Variants in DNAH1 observed in about 807,000 individuals in gnomAD.
DNAH1 encodes the protein axonemal beta dynein heavy chain 1.
A neutral mutation model predicts 484.3 loss-of-function variants in DNAH1; 327 were observed. That is an observed-to-expected ratio of 0.68 (90% CI 0.62 to 0.74). The LOEUF (loss-of-function observed/expected upper bound fraction) is 0.74, where lower values mean the gene tolerates loss of function less well. Among genes scored for constraint, DNAH1 ranks in the 30% least tolerant of loss-of-function variants. The probability of loss-of-function intolerance (pLI) is 0.00; values close to 1 mark genes in which losing one functional copy is unlikely to be tolerated. For synonymous variants in DNAH1, 2,192 were observed against 2,191.9 expected (o/e 1.00, Z 0.00); for missense variants, 5,052 against 5,546.8 (o/e 0.91, Z 2.83).
chr3:52,397,894 T>C lies in DNAH1; in HGVS notation c.11958+17T>C. ...CGGGAGGAGGTGGGTGGTGTCAGAG[T>C]AAGGGGCCCAAGGGCTGGACGGGCT... On this transcript the variant is annotated intron_variant, in intron 74 of 77. Transcript: ENST00000420323. 6.3e-7 allele frequency: 1 copy of C among 1,590,054 alleles called. No individual in the cohort carries two copies. The highest frequency in any genetic ancestry group is 8.6e-7 in the Non-Finnish European group (1 of 1,167,010).
At chr3:52,394,332 TTGAC>T in intron 66 of DNAH1, 129 bp from the exon 67 acceptor site, 3 of 849,386 alleles carry the variant, frequency 3.5e-6, no homozygotes, top group South Asian at 1.8e-5. Context: ...CCAGACCTGT[TTGAC>T]TACCATCCCC....
chr3:52,361,050 C>A lies in DNAH1; in HGVS notation c.4686-114C>A, dbSNP rs1198801943. On this transcript the variant is annotated intron_variant, in intron 28 of 77. Transcript: ENST00000420323. The surrounding 1 kb of genome is among the most constrained non-coding windows in gnomAD (Gnocchi z 5.6). ...ACCCCGGAGCCAGGGCTGGGCACAC[C>A]CCAGCCCACCAAAAGGGGACGGGGC... is the stretch of plus-strand genomic sequence containing the variant. 2 of 1,096,698 alleles carry A rather than the reference C, an allele frequency of 1.8e-6. No individual in the cohort carries two copies. Among genetic ancestry groups the A allele is most frequent in the Non-Finnish European group, 2.4e-6 (2 of 825,562 alleles). 67.9% of individuals were successfully genotyped at this position (1,096,698 alleles called of 1,614,324 possible). A position where few individuals can be genotyped will look rare whatever the true frequency, so the allele number is the denominator to read the frequency against.
chr3:52,321,177 C>T (rs1701134561), intron 1 of DNAH1, among the ~76,000 whole-genome samples: 2 of 150,628 alleles, frequency 1.3e-5, no homozygotes, highest in Admixed American at 6.6e-5. Flanking sequence ...GGTGCAATGG[C>T]GCGATCTGAG....
At chr3:52,328,316 G>A in intron 6 of DNAH1, among the ~76,000 whole-genome samples, 1 of 152,046 alleles carries the variant, frequency 6.6e-6, no homozygotes, top group South Asian at 2.1e-4. Context: ...ATGCACGAGG[G>A]GCACAATTCC....
rs1324432816 is a variant in DNAH1, at chr3:52,353,856, CAA to C, written c.3480+224_3480+225del. On this transcript the variant is annotated intron_variant, in intron 20 of 77. Transcript: ENST00000420323. This position sits in a 1 kb window ranked among gnomAD's most constrained non-coding sequence, Gnocchi z 5.0. ...GCTATTATTTTTCAGTTACTCCTCTCAAGAGCCCCAGGAAGGAGCTAATAGCA... is the reference window on the plus strand; with the variant it reads ...GCTATTATTTTTCAGTTACTCCTCTCGAGCCCCAGGAAGGAGCTAATAGCA... The C allele has an allele frequency of 4.8e-6, 3 of 626,316 alleles. No individual in the cohort carries two copies. In the Admixed American group the frequency reaches 9.5e-5, roughly 20 times the overall value. 38.8% of individuals were successfully genotyped at this position (626,316 alleles called of 1,614,324 possible). A position where few individuals can be genotyped will look rare whatever the true frequency, so the allele number is the denominator to read the frequency against.
At chr3:52,386,460 C>T in intron 55 of DNAH1, 115 bp downstream of exon 55, 1 of 1,404,038 alleles carries the variant, frequency 7.1e-7, no homozygotes, top group Non-Finnish European at 9.4e-7. Flanking sequence ...TTCCAGCCCC[C>T]AGGGCCCAAG....
At position 52,376,376 on chromosome 3, in the gene DNAH1, G is replaced by A. The variant is rs568726734; in HGVS notation, c.7198+383G>A. On this transcript the variant is annotated intron_variant, in intron 46 of 77. Transcript: ENST00000420323. ...GGCAGGCATCGTGGTGAATCTGCCC[G>A]TCGTCGCGGCAAGGCGGCTGACCAC... 7.9e-5 allele frequency among the ~76,000 whole-genome samples: 12 copies of A among 152,360 alleles called. No individual in the cohort carries two copies. The East Asian group carries it at 1.3e-3, about 17-fold the overall frequency.
At position 52,361,790 on chromosome 3, in the gene DNAH1, C is replaced by T; in HGVS notation, c.4980+24C>T. The T allele has an allele frequency of 1.3e-6, 2 of 1,578,062 alleles. No individual in the cohort carries two copies. Among genetic ancestry groups the T allele is most frequent in the African/African-American group, 1.3e-5 (1 of 74,158 alleles). ...GGGTGAGCCCGGGGGACCCACCTTA[C>T]TCCCTCAGATCTGCCATACTCACGC... On this transcript the variant is annotated intron_variant, in intron 30 of 77. Transcript: ENST00000420323. The surrounding 1 kb of genome is among the most constrained non-coding windows in gnomAD (Gnocchi z 5.6).
chr3:52,366,772 G>A lies in DNAH1; in HGVS notation c.5650G>A (p.Gly1884Arg). ...GGCAGCTGCCATGACGTCACTGAAA[G>A]GGCAGCCATCCATCAGTGGTGGCAT... ...VLAAAMTSLK[G>R]QPSISGGMYE... Residue 1884 changes from glycine (G) to arginine (R), a missense_variant, in exon 36 of 78, where the codon GGG becomes AGG. This residue lies in a region of DNAH1 where 2,929 missense variants were observed against 3,409.4 expected (regional missense o/e 0.86). Coordinates refer to ENST00000420323, the MANE Select transcript of DNAH1 (RefSeq NM_015512.5). 6 of 1,613,744 alleles carry A rather than the reference G, an allele frequency of 3.7e-6. No homozygotes were observed. The highest frequency in any genetic ancestry group is 5.1e-6 in the Non-Finnish European group (6 of 1,179,754).
At chr3:52,327,837 A>T in intron 5 of DNAH1, 45 bp from the exon 6 acceptor site, 1 of 1,606,728 alleles carries the variant, frequency 6.2e-7, no homozygotes, top group South Asian at 1.1e-5. Context: ...CCTGGGCCCC[A>T]CTAGAGGAGC....
At position 52,400,410 on chromosome 3, in the gene DNAH1, G is replaced by T; in HGVS notation, c.12762G>T (p.Lys4254Asn). 1.2e-6 allele frequency: 2 copies of T among 1,614,056 alleles called. No individual in the cohort carries two copies. Among genetic ancestry groups the T allele is most frequent in the Non-Finnish European group, 1.7e-6 (2 of 1,179,890 alleles). Residue 4254 changes from lysine (K) to asparagine (N), a missense_variant, in exon 78 of 78, where the codon AAG (lysine) becomes AAT (asparagine). Physicochemically the swap from Lys to Asn is moderately conservative, Grantham distance 94. Coordinates refer to ENST00000420323, the MANE Select transcript of DNAH1 (RefSeq NM_015512.5). ...PTHQPQRHWI[K>N]RGVALICALD... Reference sequence around the variant, plus strand: ...ATCAGCCCCAGCGACACTGGATAAAGCGTGGTGTGGCCCTCATCTGTGCCC... The same window carrying T: ...ATCAGCCCCAGCGACACTGGATAAATCGTGGTGTGGCCCTCATCTGTGCCC...
Position 52,326,123 on chromosome 3 carries a change from C to T in DNAH1, c.407-17C>T. The T allele has an allele frequency of 6.4e-7, 1 of 1,565,602 alleles. No homozygotes were observed. ...TGGCCTGAGCCCTGAAGCCCCTGCCCCTGCTTCTACCTGCAGTCGGAAGCT... is the reference window on the plus strand; with the variant it reads ...TGGCCTGAGCCCTGAAGCCCCTGCCTCTGCTTCTACCTGCAGTCGGAAGCT... On this transcript the variant is annotated splice_polypyrimidine_tract_variant and intron_variant, in intron 3 of 77. Coordinates refer to ENST00000420323, the MANE Select transcript of DNAH1 (RefSeq NM_015512.5).
At chr3:52,332,482 G>A in intron 8 of DNAH1, 88 bp downstream of exon 8, 1 of 1,538,152 alleles carries the variant, frequency 6.5e-7, no homozygotes, top group East Asian at 2.3e-5. Context: ...CCAGGGTGGA[G>A]CTCCCTCAGG....
At position 52,366,973 on chromosome 3, in the gene DNAH1, C is replaced by T. The variant is rs534251481; in HGVS notation, c.5765+86C>T. 87 of 1,480,512 alleles carry T rather than the reference C, an allele frequency of 5.9e-5. No individual in the cohort carries two copies. In the African/African-American group the frequency reaches 1.1e-3, roughly 19 times the overall value. 91.7% of individuals were successfully genotyped at this position (1,480,512 alleles called of 1,614,324 possible). A position where few individuals can be genotyped will look rare whatever the true frequency, so the allele number is the denominator to read the frequency against. On this transcript the variant is annotated intron_variant, in intron 36 of 77. Coordinates refer to ENST00000420323, the MANE Select transcript of DNAH1 (RefSeq NM_015512.5). ...CTGCGGTCACCCCTCCCTCCATTAG[C>T]CCAGTGGAAGGCCGGGCTCTGCAGC...
chr3:52,351,346 G>T (rs889445798), intron 16 of DNAH1, among the ~76,000 whole-genome samples: 1 of 152,174 alleles, frequency 6.6e-6, no homozygotes, highest in African/African-American at 2.4e-5. Flanking sequence ...TACTGAGGCC[G>T]CCAGAGACCC....
the DNAH1 span, among the ~76,000 whole-genome samples, chr3:52,311,271 C>G: frequency 8.5e-5 from 13 of 152,224 alleles, no homozygotes; most frequent in Non-Finnish European, 1.8e-4. Flanking sequence ...TCTGGCTCTG[C>G]CACTGGCTCA....
At position 52,386,196 on chromosome 3, in the gene DNAH1, G is replaced by T. The variant is rs188851585; in HGVS notation, c.8662G>T (p.Val2888Leu). ...CATCGCCGAGGAGACCCGGAATTCA[G>T]TGCAGACAGAGGAGATCAAAGCCAA... Reference protein sequence around the residue: ...TAIAEETRNSVQTEEIKANEK... With the variant: ...TAIAEETRNSLQTEEIKANEK... The change falls in exon 55 of 78, where the codon GTG becomes TTG. Residue 2888 changes from valine (V) to leucine (L), a missense_variant. By Grantham distance (32) the Val-to-Leu change is conservative. Transcript: ENST00000420323. 5.9e-5 allele frequency: 96 copies of T among 1,613,836 alleles called. No homozygotes were observed. In the African/African-American group the frequency reaches 1.2e-3, roughly 19 times the overall value.
Position 52,372,045 on chromosome 3 carries a change from A to T in DNAH1, c.6625A>T (p.Met2209Leu), listed in dbSNP as rs1170512649. Residue 2209 changes from methionine (M) to leucine (L), a missense_variant, in exon 42 of 78, where the codon ATG (methionine) becomes TTG (leucine). Around this residue, in one of 4 missense-constraint regions of DNAH1, gnomAD observed 2,929 missense variants for 3,409.4 expected, o/e 0.86. Coordinates refer to ENST00000420323, the MANE Select transcript of DNAH1 (RefSeq NM_015512.5). ...TGTGCCCACCATGGACACCGTGCAG[A>T]TGTCCCATTTACTGGACATGCTGCT... Reference protein sequence around the residue: ...IIVPTMDTVQMSHLLDMLLTN... With the variant: ...IIVPTMDTVQLSHLLDMLLTN... 4.3e-6 allele frequency: 7 copies of T among 1,613,796 alleles called. No homozygotes were observed. Among genetic ancestry groups the T allele is most frequent in the Non-Finnish European group, 5.9e-6 (7 of 1,179,852 alleles).
chr3:52,361,439 G>T lies in DNAH1; in HGVS notation c.4874+87G>T, dbSNP rs1414491655. ...GGCTAGGTGAGGGCAGTGCCTGAGAGGGGCCTCGAAGGATGGTGGAGGGGA... is the reference window on the plus strand; with the variant it reads ...GGCTAGGTGAGGGCAGTGCCTGAGATGGGCCTCGAAGGATGGTGGAGGGGA... On this transcript the variant is annotated intron_variant, in intron 29 of 77. Transcript: ENST00000420323. This position sits in a 1 kb window ranked among gnomAD's most constrained non-coding sequence, Gnocchi z 5.6. The T allele has an allele frequency of 1.4e-6, 2 of 1,435,070 alleles. No homozygotes were observed. The highest frequency in any genetic ancestry group is 1.9e-6 in the Non-Finnish European group (2 of 1,074,438). 88.9% of individuals were successfully genotyped at this position (1,435,070 alleles called of 1,614,324 possible).
Sources: gnomAD v4.1 joint callset for allele counts (sites outside exome capture counted in the v4.1 genomes callset) on GRCh38, gnomAD v4.1.1 for gene constraint, gnomAD v4.1.1 regional missense constraint, Gnocchi (gnomAD v3.1) non-coding constraint, MANE v1.5 for transcripts, NCBI Gene and HGNC (gene_info 2026-07-23, HGNC 2026-07-21) for gene names.